ALK: variants seen among roughly 807,000 people sequenced by gnomAD.
The protein encoded by ALK is ALK tyrosine kinase receptor.
Under a neutral mutation model 163.1 loss-of-function variants are expected in ALK, and 74 were observed. The ratio of observed to expected loss-of-function variants is 0.45; its 90% CI spans 0.38 to 0.55. The LOEUF (loss-of-function observed/expected upper bound fraction) is 0.55, where lower values mean the gene tolerates loss of function less well. ALK is among the 20% of genes least tolerant of loss of function. The pLI, the probability that ALK is intolerant of heterozygous loss-of-function variation, is 0.00. For synonymous variants in ALK, 960 were observed against 843.2 expected (o/e 1.14, Z -2.40); for missense variants, 2,063 against 2,105.3 (o/e 0.98, Z 0.39).
intron 1 of ALK, among the ~76,000 whole-genome samples, chr2:29,824,451 C>G (rs1665138557): frequency 6.6e-6 from 1 of 152,234 alleles, no homozygotes; most frequent in Non-Finnish European, 1.5e-5. Context: ...CACAGACACT[C>G]AATGCCAGCT....
chr2:29,336,887 T>C (rs1411626573), intron 5 of ALK, among the ~76,000 whole-genome samples: 1 of 152,102 alleles, frequency 6.6e-6, no homozygotes, highest in African/African-American at 2.4e-5. Context: ...GAAATTTGAG[T>C]GCTGCTTCAG....
At chr2:29,494,035 G>A (rs1467040589) in intron 4 of ALK, among the ~76,000 whole-genome samples, 1 of 152,238 alleles carries the variant, frequency 6.6e-6, no homozygotes, top group Admixed American at 6.5e-5. Context: ...GTTGCTCAGT[G>A]TCTGAGGACC....
In ALK at chr2:29,209,542, CAAAAAAAAA is replaced by C. The variant is rs76343130; in HGVS notation, c.3836+235_3836+243del. Reference sequence around the variant, plus strand: ...GGGCAACAAGAGCGAAACTCCGTCTCAAAAAAAAAAAAAAAAAAAAAGCTTGGTGTCAAT... The same window carrying C: ...GGGCAACAAGAGCGAAACTCCGTCTCAAAAAAAAAAAAGCTTGGTGTCAAT... On this transcript the variant is annotated intron_variant, in intron 25 of 28. Coordinates refer to ENST00000389048, the MANE Select transcript of ALK (RefSeq NM_004304.5). Among the ~76,000 whole-genome samples, 468 of 80,192 alleles carry C rather than the reference CAAAAAAAAA, an allele frequency of 5.8e-3. 2 individuals carry two copies. Among genetic ancestry groups the C allele is most frequent in the African/African-American group, 0.016 (424 of 26,116 alleles). The allele number at this position is 80,192 out of a possible 152,430, so 52.6% of individuals were successfully genotyped here. A position where few individuals can be genotyped will look rare whatever the true frequency, so the allele number is the denominator to read the frequency against.
chr2:29,299,114 T>A (rs1359633495), intron 8 of ALK, among the ~76,000 whole-genome samples: 1 of 152,214 alleles, frequency 6.6e-6, no homozygotes, highest in Non-Finnish European at 1.5e-5. Flanking sequence ...TTCAACCTGG[T>A]TTCTAGATAA....
chr2:29,220,706 C>G lies in ALK; in HGVS notation c.3645G>C (p.Pro1215=). The change falls in exon 23 of 29, where the codon CCG becomes CCC. Residue 1215 remains proline (P), a splice_region_variant and synonymous_variant. Transcript: ENST00000389048. ...GCAGCAAAGACTGGTTCTCACTCAC[C>G]GGGCGAGGGCGGGTCTCTCGGAGGA... ...KSFLRETRPR[P]SQPSSLAMLD... is the part of the protein sequence containing the mutation. 6.2e-7 allele frequency: 1 copy of G among 1,613,510 alleles called. No homozygotes were observed.
At chr2:29,909,812 T>A (rs1000039053) in intron 1 of ALK, among the ~76,000 whole-genome samples, 1 of 152,148 alleles carries the variant, frequency 6.6e-6, no homozygotes, top group Non-Finnish European at 1.5e-5. Context: ...AAACTAACCA[T>A]AGAATAAAGA....
At chr2:29,335,302 C>T (rs1308573794) in intron 5 of ALK, among the ~76,000 whole-genome samples, 1 of 152,156 alleles carries the variant, frequency 6.6e-6, no homozygotes, top group Non-Finnish European at 1.5e-5. Context: ...GGCACTTCCC[C>T]CAGACTAACA....
At chr2:29,202,012 G>GTGTT (rs546010656) in intron 26 of ALK, among the ~76,000 whole-genome samples, 122 of 152,170 alleles carry the variant, frequency 8.0e-4, no homozygotes, top group African/African-American at 2.8e-3. Flanking sequence ...GCATCCCATG[G>GTGTT]TGTTTAGAAT....
At chr2:29,699,057 T>C (rs1393336975) in intron 2 of ALK, among the ~76,000 whole-genome samples, 1 of 152,212 alleles carries the variant, frequency 6.6e-6, no homozygotes, top group Admixed American at 6.5e-5. Context: ...CTAGACCTAG[T>C]GTGCTTCTTG....
At chr2:29,804,805 C>T (rs1055212219) in intron 1 of ALK, among the ~76,000 whole-genome samples, 1 of 152,162 alleles carries the variant, frequency 6.6e-6, no homozygotes, top group East Asian at 1.9e-4. Context: ...CCCTAGTTCT[C>T]GGAAGGCCTG....
intron 2 of ALK, among the ~76,000 whole-genome samples, chr2:29,707,842 A>G (rs974100686): frequency 6.6e-6 from 1 of 152,184 alleles, no homozygotes; most frequent in Non-Finnish European, 1.5e-5. Context: ...CCTCATAATA[A>G]TGCTGTCAGT....
chr2:29,430,519 G>A (rs928847114), intron 4 of ALK, among the ~76,000 whole-genome samples: 6 of 152,134 alleles, frequency 3.9e-5, no homozygotes, highest in East Asian at 1.9e-4. Flanking sequence ...TAGAAAATAC[G>A]TAACAGATAA....
Position 29,328,605 on chromosome 2 carries a change from C to T in ALK, c.1283-124G>A, listed in dbSNP as rs1667346678. 1.6e-5 allele frequency: 21 copies of T among 1,313,654 alleles called. No individual in the cohort carries two copies. In the South Asian group the frequency reaches 2.6e-4, roughly 16 times the overall value. The allele number at this position is 1,313,654 out of a possible 1,614,324, so 81.4% of individuals were successfully genotyped here. A position where few individuals can be genotyped will look rare whatever the true frequency, so the allele number is the denominator to read the frequency against. ...ATTATCCTGCCCTGCCATTCACACT[C>T]CAAGGCCTGATTGAGACATCTGCAT... On this transcript the variant is annotated intron_variant, in intron 5 of 28. Transcript: ENST00000389048.
intron 1 of ALK, among the ~76,000 whole-genome samples, chr2:29,769,277 T>C (rs934692174): frequency 6.6e-6 from 1 of 152,206 alleles, no homozygotes; most frequent in African/African-American, 2.4e-5. Context: ...CTTCCATCTT[T>C]CCCCAGCCCT....
chr2:29,785,526 C>T (rs939289421), intron 1 of ALK, among the ~76,000 whole-genome samples: 2 of 152,164 alleles, frequency 1.3e-5, no homozygotes, highest in African/African-American at 2.4e-5. Flanking sequence ...ATTCGATTTA[C>T]AAAAGTTCCA....
At chr2:29,830,349 G>A (rs1665332345) in intron 1 of ALK, among the ~76,000 whole-genome samples, 1 of 152,106 alleles carries the variant, frequency 6.6e-6, no homozygotes, top group African/African-American at 2.4e-5. Flanking sequence ...TCAATTTCCA[G>A]GACCTGGGCA....
In ALK at chr2:29,239,716, G is replaced by A. The variant is rs1227146625; in HGVS notation, c.2319C>T (p.Ile773=). The A allele has an allele frequency of 1.2e-6, 2 of 1,614,056 alleles. No individual in the cohort carries two copies. Among genetic ancestry groups the A allele is most frequent in the African/African-American group, 2.7e-5 (2 of 75,040 alleles). Residue 773 remains isoleucine (I), a synonymous_variant, in exon 13 of 29, where the codon ATC becomes ATT. Transcript: ENST00000389048. ...FNLEKDDMLY[I]LVGQQGEDAC... ...CGTCCTCTCCCTGCTGCCCAACCAG[G>A]ATGTACAGCATGTCATCCTTCTCCA...
chr2:29,274,329 A>G (rs1415064008), intron 11 of ALK, among the ~76,000 whole-genome samples: 3 of 152,248 alleles, frequency 2.0e-5, no homozygotes, highest in Non-Finnish European at 4.4e-5. Context: ...CTTTTATAGG[A>G]AAAAGAGTGT....
At chr2:29,909,450 C>T (rs1450053989) in intron 1 of ALK, among the ~76,000 whole-genome samples, 1 of 149,630 alleles carries the variant, frequency 6.7e-6, no homozygotes, top group Non-Finnish European at 1.5e-5. Flanking sequence ...CAACTAGACA[C>T]ACATACACAC....
Sources: gnomAD v4.1 joint callset for allele counts (sites outside exome capture counted in the v4.1 genomes callset) on GRCh38, gnomAD v4.1.1 for gene constraint, MANE v1.5 for transcripts, NCBI Gene and HGNC (gene_info 2026-07-23, HGNC 2026-07-21) for gene names.